Variants in CCDC59 observed in about 807,000 individuals in gnomAD.
The protein encoded by CCDC59 is coiled-coil domain containing 59, also known as thyroid transcription factor 1-associated protein 26.
In CCDC59, 27 loss-of-function variants were observed where a neutral mutation model predicts 30.5. The ratio of observed to expected loss-of-function variants is 0.89; its 90% CI spans 0.65 to 1.22. The LOEUF (loss-of-function observed/expected upper bound fraction) is 1.22, where lower values mean the gene tolerates loss of function less well. CCDC59 is among the 50% of genes most tolerant of loss of function. The pLI is 0.00. For missense variants in CCDC59, 362 were observed against 284.4 expected, an observed-to-expected ratio of 1.27 and a Z score of -1.96; for synonymous variants, 125 against 100.9, an observed-to-expected ratio of 1.24 and a Z score of -1.43.
intron 2 of CCDC59, among the ~76,000 whole-genome samples, chr12:82,356,379 C>T (rs1046892091): frequency 1.3e-5 from 2 of 152,160 alleles, no homozygotes; most frequent in African/African-American, 4.8e-5. Flanking sequence ...ACCATATATA[C>T]CCTTTAAGAT....
intron 2 of CCDC59, chr12:82,355,797 C>G (rs936171972): frequency 6.6e-6 from 1 of 152,162 alleles, no homozygotes; most frequent in Non-Finnish European, 1.5e-5. Flanking sequence ...CACTGTATTT[C>G]TCTTTCTCCA....
chr12:82,358,400 A>G, upstream of CCDC59: 4 of 1,611,744 alleles, frequency 2.5e-6, no homozygotes, highest in Non-Finnish European at 3.4e-6. Flanking sequence ...CTGCGTCATC[A>G]GAAGACCACG....
chr12:82,353,407 AAGGTTTGTCTCTTCT>A lies in CCDC59; in HGVS notation c.565-110_565-96del, dbSNP rs1373210559. ...ATAGCTATTACTAAGCAAACACTCT[AAGGTTTGTCTCTTCT>A]ATTTTGCAAGATGTGCACTGTTTCT... On this transcript the variant is annotated intron_variant, in intron 3 of 3. Coordinates refer to ENST00000256151, the MANE Select transcript of CCDC59 (RefSeq NM_014167.5). 13 of 973,124 alleles carry A rather than the reference AAGGTTTGTCTCTTCT, an allele frequency of 1.3e-5. No homozygotes were observed. The East Asian group carries it at 2.8e-4, about 21-fold the overall frequency. The allele number at this position is 973,124 out of a possible 1,614,324, so 60.3% of individuals were successfully genotyped here. A position where few individuals can be genotyped will look rare whatever the true frequency, so the allele number is the denominator to read the frequency against.
rs148629531 is a variant in CCDC59 at position 82,352,323 on chromosome 12, T to G, written c.*828A>C. 6.6e-6 allele frequency: 1 copy of G among 152,234 alleles called. No homozygotes were observed. The highest frequency in any genetic ancestry group is 2.1e-4 in the South Asian group (1 of 4,836). The allele number at this position is 152,234 out of a possible 1,614,324, so 9.4% of individuals were successfully genotyped here. ...CTGTATTTGCTATCATTTATAAAATTTTATTATTCAATATTTGGCAAGTAT... is the reference window on the plus strand; with the variant it reads ...CTGTATTTGCTATCATTTATAAAATGTTATTATTCAATATTTGGCAAGTAT... On this transcript the variant is annotated 3_prime_UTR_variant, in exon 4 of 4. Transcript: ENST00000256151.
At chr12:82,357,362 G>T in intron 1 of CCDC59, 93 bp from the exon 2 acceptor site, 2 of 994,538 alleles carry the variant, frequency 2.0e-6, no homozygotes, top group South Asian at 1.6e-5. Context: ...CTTTTTTTAC[G>T]TCATCACATT....
chr12:82,356,862 T>C, intron 2 of CCDC59, 98 bp downstream of exon 2: 1 of 989,398 alleles, frequency 1.0e-6, no homozygotes, highest in Non-Finnish European at 1.4e-6. Context: ...CTAAAATGTG[T>C]TAAATAAGAA....
rs772148437 is a variant in CCDC59 at position 82,358,309 on chromosome 12, G to T, written c.68C>A (p.Ser23Tyr). ...GGIEARGEGV[S>Y]TVGYRNKNVR... ...ATTCTTATTCCTGTACCCGACAGTG[G>T]AAACCCCTTCACCACGCGCCTCAAT... is the stretch of plus-strand genomic sequence containing the variant. The change falls in exon 1 of 4, where the codon TCC (serine) becomes TAC (tyrosine). Residue 23 changes from serine to tyrosine, a missense_variant. By Grantham distance (144) the Ser-to-Tyr change is moderately radical. Transcript: ENST00000256151. 2 of 1,614,022 alleles carry T rather than the reference G, an allele frequency of 1.2e-6. No individual in the cohort carries two copies. The highest frequency in any genetic ancestry group is 2.2e-5 in the East Asian group (1 of 44,888).
intron 2 of CCDC59, chr12:82,354,992 C>CT (rs1166343192): frequency 6.4e-6 from 1 of 155,522 alleles, no homozygotes; most frequent in African/African-American, 2.4e-5. Context: ...ACTGTTCTAT[C>CT]TTTAACTACT....
In CCDC59 at chr12:82,354,578, T is replaced by G. The variant is rs199552914; in HGVS notation, c.481A>C (p.Lys161Gln). Residue 161 changes from lysine to glutamine, a missense_variant, in exon 3 of 4, where the codon AAG (lysine) becomes CAG (glutamine). Physicochemically the swap from Lys to Gln is moderately conservative, Grantham distance 53 (BLOSUM62 1). Coordinates refer to ENST00000256151, the MANE Select transcript of CCDC59 (RefSeq NM_014167.5). ...IKTVNSFTIP[K>Q]KNKKKTSNQK... ...TTTGATGTTTTCTTTTTATTTTTCT[T>G]TGGAATTGTAAAGGAGCTTTTAATT... The G allele has an allele frequency of 6.3e-7, 1 of 1,582,704 alleles. No homozygotes were observed. Among genetic ancestry groups the G allele is most frequent in the Non-Finnish European group, 8.6e-7 (1 of 1,161,040 alleles).
chr12:82,357,388 T>C (rs2401035), intron 1 of CCDC59, 119 bp from the exon 2 acceptor site: 690,692 of 786,880 alleles, frequency 0.88, 304,228 homozygotes, highest in East Asian at 1. Context: ...TCTAGTATTA[T>C]ATTTTGCTTT....
Position 82,353,110 on chromosome 12 carries a change from C to CTTA in CCDC59, c.*40_*41insTAA, listed in dbSNP as rs1411035014. On this transcript the variant is annotated 3_prime_UTR_variant, in exon 4 of 4. Coordinates refer to ENST00000256151, the MANE Select transcript of CCDC59 (RefSeq NM_014167.5). Reference sequence around the variant, plus strand: ...TGGGAGGCACATGTCACAGAAGAACCTAATAGGCAGCAGATATTTTAACCT... The same window carrying CTTA: ...TGGGAGGCACATGTCACAGAAGAACCTTATAATAGGCAGCAGATATTTTAACCT... The CTTA allele has an allele frequency of 1.2e-5, 19 of 1,534,346 alleles. No individual in the cohort carries two copies. Among genetic ancestry groups the CTTA allele is most frequent in the Non-Finnish European group, 1.6e-5 (18 of 1,135,434 alleles).
upstream of CCDC59, chr12:82,358,540 A>G (rs894900959): frequency 1.2e-6 from 2 of 1,604,172 alleles, no homozygotes; most frequent in Non-Finnish European, 1.7e-6. Context: ...TGTTTGCGCC[A>G]CCTACAGCCT....
chr12:82,353,442 G>T, intron 3 of CCDC59, 130 bp from the exon 4 acceptor site: 1 of 661,728 alleles, frequency 1.5e-6, no homozygotes, highest in Non-Finnish European at 2.4e-6. Flanking sequence ...GATGTGCACT[G>T]TTTCTCCTAA....
chr12:82,357,152 T>C lies in CCDC59; in HGVS notation c.272A>G (p.Asp91Gly), dbSNP rs777363656. The C allele has an allele frequency of 4.3e-6, 7 of 1,614,196 alleles. No individual in the cohort carries two copies. The South Asian group carries it at 6.6e-5, about 15-fold the overall frequency. Reference protein sequence around the residue: ...LESQFTDRYPDNLKHLYLAEE... With the variant: ...LESQFTDRYPGNLKHLYLAEE... Reference sequence around the variant, plus strand: ...AGCTAAATAGAGATGTTTCAGATTATCTGGGTATCGATCTGTGAATTGAGA... The same window carrying C: ...AGCTAAATAGAGATGTTTCAGATTACCTGGGTATCGATCTGTGAATTGAGA... Residue 91 changes from aspartate (D) to glycine (G), a missense_variant, in exon 2 of 4, where the codon GAT (aspartate) becomes GGT (glycine). By Grantham distance (94) the Asp-to-Gly change is moderately conservative. Coordinates refer to ENST00000256151, the MANE Select transcript of CCDC59 (RefSeq NM_014167.5).
intron 1 of CCDC59, among the ~76,000 whole-genome samples, chr12:82,357,895 C>G (rs942155578): frequency 5.3e-5 from 8 of 152,168 alleles, no homozygotes. Flanking sequence ...TGGCCCTGTC[C>G]TCCTCTCTAT....
intron 3 of CCDC59, 36 bp from the exon 4 acceptor site, chr12:82,353,348 C>T (rs374883804): frequency 2.3e-5 from 35 of 1,518,052 alleles, no homozygotes; most frequent in Non-Finnish European, 3.0e-5. Context: ...TCATTAGCAA[C>T]AAACAGTAGA....
At chr12:82,357,330 A>G in intron 1 of CCDC59, 61 bp from the exon 2 acceptor site, 1 of 1,380,554 alleles carries the variant, frequency 7.2e-7, no homozygotes, top group Non-Finnish European at 1.0e-6. Flanking sequence ...CGAAGAATGG[A>G]GCTGTTAATT....
chr12:82,358,589 G>C (rs750277209), upstream of CCDC59: 3 of 1,612,192 alleles, frequency 1.9e-6, no homozygotes, highest in African/African-American at 2.7e-5. Flanking sequence ...GCCCTCTCCC[G>C]GTGACCCCGG....
chr12:82,353,483 T>C (rs771681145), intron 3 of CCDC59, among the ~76,000 whole-genome samples, 171 bp from the exon 4 acceptor site: 3 of 152,192 alleles, frequency 2.0e-5, no homozygotes, highest in Non-Finnish European at 4.4e-5. Context: ...TGCCTTCATA[T>C]TATAATGACC....
Sources: allele counts gnomAD v4.1 joint callset (sites outside exome capture counted in the v4.1 genomes callset), GRCh38; gene constraint gnomAD v4.1.1; transcripts MANE v1.5; gene names NCBI Gene and HGNC (gene_info 2026-07-23, HGNC 2026-07-21).